The following DAAM1 variants were observed in gnomAD, a reference collection of about 807,000 sequenced individuals.
DAAM1 encodes disheveled-associated activator of morphogenesis 1.
In DAAM1, 52 loss-of-function variants were observed where a neutral mutation model predicts 130.0. That is an observed-to-expected ratio of 0.40 (90% CI 0.32 to 0.50). The LOEUF (loss-of-function observed/expected upper bound fraction) is 0.50. Ranked by LOEUF, DAAM1 falls within the 20% of genes least tolerant of loss-of-function variation. The probability of loss-of-function intolerance (pLI) is 0.61; values close to 1 mark genes in which losing one functional copy is unlikely to be tolerated. For synonymous variants in DAAM1, 452 were observed against 444.5 expected, an observed-to-expected ratio of 1.02 and a Z score of -0.21; for missense variants, 1,134 against 1,303.8, an observed-to-expected ratio of 0.87 and a Z score of 2.01.
At position 59,285,202 on chromosome 14, in the gene DAAM1, C is replaced by T. The variant is rs141727834; in HGVS notation, c.184-6015C>T. On this transcript the variant is annotated intron_variant, in intron 2 of 24. Transcript: ENST00000360909. ...TTCCAACCAAGAATTTCATATCCTG[C>T]GAAACTAAGCTTCATAAAGTGAAGG... 5.5e-4 allele frequency among the ~76,000 whole-genome samples: 83 copies of T among 152,122 alleles called. 1 individual carries two copies. The East Asian group carries it at 0.013, about 23-fold the overall frequency.
chr14:59,193,432 AT>A (rs113549446), intron 1 of DAAM1, among the ~76,000 whole-genome samples: 12 of 150,348 alleles, frequency 8.0e-5, no homozygotes, highest in African/African-American at 1.5e-4. Context: ...CATCCAGCAG[AT>A]TTTTTTTTTC....
intron 2 of DAAM1, among the ~76,000 whole-genome samples, chr14:59,276,040 A>G (rs1486282475): frequency 6.6e-6 from 1 of 152,070 alleles, no homozygotes; most frequent in Non-Finnish European, 1.5e-5. Context: ...ACTGGTTGGG[A>G]GCAGGTAATA....
chr14:59,217,673 C>CA (rs931124596), intron 1 of DAAM1, among the ~76,000 whole-genome samples: 8 of 151,560 alleles, frequency 5.3e-5, no homozygotes, highest in Admixed American at 3.3e-4. Context: ...CCTGTCGCTA[C>CA]AAAAAAGTAC....
At position 59,339,691 on chromosome 14, in the gene DAAM1, G is replaced by A. The variant is rs1033955776; in HGVS notation, c.1969-383G>A. Among the ~76,000 whole-genome samples the A allele has an allele frequency of 5.3e-5, 8 of 152,256 alleles. No individual in the cohort carries two copies. In the East Asian group the frequency reaches 5.8e-4, roughly 11 times the overall value. On this transcript the variant is annotated intron_variant, in intron 15 of 24. Coordinates refer to ENST00000360909, the MANE Select transcript of DAAM1 (RefSeq NM_001270520.2). ...AATGGGCCTTGCAAGTGGCTGGACCGGCAATGGCAAGCCTCAGCTGAGCCT... is the reference window on the plus strand; with the variant it reads ...AATGGGCCTTGCAAGTGGCTGGACCAGCAATGGCAAGCCTCAGCTGAGCCT...
At chr14:59,230,978 C>T (rs1889087661) in intron 1 of DAAM1, among the ~76,000 whole-genome samples, 1 of 152,144 alleles carries the variant, frequency 6.6e-6, no homozygotes, top group South Asian at 2.1e-4. Flanking sequence ...AACAACTGTG[C>T]ACTTGCTGTC....
intron 1 of DAAM1, among the ~76,000 whole-genome samples, chr14:59,248,471 T>C (rs1281705277): frequency 6.6e-6 from 1 of 152,200 alleles, no homozygotes; most frequent in Non-Finnish European, 1.5e-5. Context: ...TGTTTAGCTA[T>C]GTGAATAACT....
At chr14:59,200,280 C>G (rs574472267) in intron 1 of DAAM1, among the ~76,000 whole-genome samples, 1 of 152,218 alleles carries the variant, frequency 6.6e-6, no homozygotes, top group East Asian at 1.9e-4. Context: ...CTCAGTAATG[C>G]TATCTGTGGG....
intron 1 of DAAM1, among the ~76,000 whole-genome samples, chr14:59,209,199 G>A (rs1888355072): frequency 6.6e-6 from 1 of 151,870 alleles, no homozygotes; most frequent in Non-Finnish European, 1.5e-5. Flanking sequence ...ATACATTTCT[G>A]TTCTCTTTAC....
chr14:59,326,598 C>G lies in DAAM1; in HGVS notation c.1263C>G (p.Asp421Glu), dbSNP rs751251823. 6 of 1,613,674 alleles carry G rather than the reference C, an allele frequency of 3.7e-6. No individual in the cohort carries two copies. Among genetic ancestry groups the G allele is most frequent in the Non-Finnish European group, 5.1e-6 (6 of 1,179,904 alleles). Residue 421 changes from aspartate (D) to glutamate (E), a missense_variant, in exon 11 of 25, where the codon GAC (aspartate) becomes GAG (glutamate). Asp to Glu is a conservative substitution (Grantham distance 45, BLOSUM62 2). This residue lies in a region of DAAM1 where 391 missense variants were observed against 521.6 expected (regional missense o/e 0.75). Coordinates refer to ENST00000360909, the MANE Select transcript of DAAM1 (RefSeq NM_001270520.2). Reference sequence around the variant, plus strand: ...TTATCCAGAATGACAAAGGACAGGACCCTGACTCCACACCTTTGGAAAACT... The same window carrying G: ...TTATCCAGAATGACAAAGGACAGGAGCCTGACTCCACACCTTTGGAAAACT... The part of the protein sequence containing the change: ...QIVIQNDKGQ[D>E]PDSTPLENFN...
chr14:59,326,167 G>A, intron 10 of DAAM1, 90 bp downstream of exon 10: 2 of 1,219,598 alleles, frequency 1.6e-6, no homozygotes, highest in Non-Finnish European at 2.4e-6. Context: ...TGATTACATT[G>A]GGTGCACACC....
chr14:59,250,101 A>G (rs1451179285), intron 1 of DAAM1, among the ~76,000 whole-genome samples: 1 of 152,224 alleles, frequency 6.6e-6, no homozygotes, highest in Non-Finnish European at 1.5e-5. Context: ...AATAAAAGAA[A>G]AAATTAGTAG....
At chr14:59,296,422 G>A (rs558281092) in intron 3 of DAAM1, among the ~76,000 whole-genome samples, 1 of 152,136 alleles carries the variant, frequency 6.6e-6, no homozygotes, top group East Asian at 1.9e-4. Context: ...CTTCTCTGGG[G>A]CAGAGAAAAC....
At chr14:59,229,707 A>C (rs1034006494) in intron 1 of DAAM1, among the ~76,000 whole-genome samples, 1 of 152,164 alleles carries the variant, frequency 6.6e-6, no homozygotes, top group African/African-American at 2.4e-5. Flanking sequence ...GTAGTGTAAA[A>C]CCTGGTTGAT....
intron 15 of DAAM1, among the ~76,000 whole-genome samples, chr14:59,336,530 C>T (rs922284371): frequency 1.3e-5 from 2 of 152,182 alleles, no homozygotes; most frequent in Non-Finnish European, 2.9e-5. Flanking sequence ...GAATGAAACT[C>T]ATAAGCTTTA....
At chr14:59,263,252 A>AATGAATAGAAGGGTGTGTGTTCTCTG (rs1882261865) in intron 1 of DAAM1, among the ~76,000 whole-genome samples, 189 bp from the exon 2 acceptor site, 1 of 152,218 alleles carries the variant, frequency 6.6e-6, no homozygotes, top group African/African-American at 2.4e-5. Context: ...ACAGTCAACA[A>AATGAATAGAAGGGTGTGTGTTCTCTG]ATGAATAGAA....
At chr14:59,190,121 A>C (rs574109055) in intron 1 of DAAM1, among the ~76,000 whole-genome samples, 5 of 152,154 alleles carry the variant, frequency 3.3e-5, no homozygotes, top group Admixed American at 2.0e-4. Flanking sequence ...GGGAGTGGCT[A>C]GTGGGTGTGG....
At chr14:59,189,369 G>A (rs2139372632) in intron 1 of DAAM1, among the ~76,000 whole-genome samples, 1 of 152,336 alleles carries the variant, frequency 6.6e-6, no homozygotes, top group Non-Finnish European at 1.5e-5. Context: ...GGACCTAAAT[G>A]TTTCAAAACA....
At chr14:59,332,922 C>T (rs1178570802) in intron 15 of DAAM1, among the ~76,000 whole-genome samples, 1 of 152,026 alleles carries the variant, frequency 6.6e-6, no homozygotes, top group Non-Finnish European at 1.5e-5. Flanking sequence ...CCCTTAACTC[C>T]CAGATGAATC....
intron 1 of DAAM1, among the ~76,000 whole-genome samples, chr14:59,209,659 T>G (rs1335566195): frequency 6.6e-6 from 1 of 152,220 alleles, no homozygotes; most frequent in South Asian, 2.1e-4. Flanking sequence ...ATGTAAGTGT[T>G]TTTGAGCATG....
Sources: gnomAD v4.1 joint callset for allele counts (sites outside exome capture counted in the v4.1 genomes callset) on GRCh38, gnomAD v4.1.1 for gene constraint, gnomAD v4.1.1 regional missense constraint, MANE v1.5 for transcripts, NCBI Gene and HGNC (gene_info 2026-07-23, HGNC 2026-07-21) for gene names.